Variants in DOCK6 observed in about 807,000 individuals in gnomAD.
DOCK6 encodes dedicator of cytokinesis 6, also known as dedicator of cytokinesis protein 6.
Under a neutral mutation model 230.3 loss-of-function variants are expected in DOCK6, and 167 were observed. The observed-to-expected ratio is 0.73, with a 90% confidence interval of 0.64 to 0.82. The LOEUF (loss-of-function observed/expected upper bound fraction) is 0.82. DOCK6 is among the 40% of genes least tolerant of loss of function. The pLI is 0.00. For synonymous variants in DOCK6, 1,148 were observed against 1,185.0 expected, an observed-to-expected ratio of 0.97 and a Z score of 0.64; for missense variants, 2,598 against 2,825.8, an observed-to-expected ratio of 0.92 and a Z score of 1.83.
chr19:11,238,747 A>G (rs551802720), intron 14 of DOCK6: 10 of 170,356 alleles, frequency 5.9e-5, no homozygotes, highest in Non-Finnish European at 1.2e-4. Context: ...AGGTGGGGAA[A>G]CTGAGGCCAG....
Position 11,214,547 on chromosome 19 carries a change from C to T in DOCK6, c.4203+6G>A, listed in dbSNP as rs769256139. The T allele has an allele frequency of 3.7e-6, 6 of 1,613,888 alleles. No individual in the cohort carries two copies. The highest frequency in any genetic ancestry group is 1.1e-5 in the South Asian group (1 of 91,074). On this transcript the variant is annotated splice_donor_region_variant and intron_variant, in intron 33 of 47. Coordinates refer to ENST00000294618, the MANE Select transcript of DOCK6 (RefSeq NM_020812.4). ...AGCACAAGGCAGATGCTGGATCAAG[C>T]CCTACCTGCACGATGATCTCCAGTG... is the stretch of plus-strand genomic sequence containing the variant.
chr19:11,212,009 C>CT lies in DOCK6; in HGVS notation c.4633dup (p.Ser1545LysfsTer32), dbSNP rs1157884121. 6.2e-7 allele frequency: 1 copy of CT among 1,606,096 alleles called. No homozygotes were observed. The highest frequency in any genetic ancestry group is 8.5e-7 in the Non-Finnish European group (1 of 1,176,638). On this transcript the variant is annotated frameshift_variant, in exon 36 of 48. Transcript: ENST00000294618. LOFTEE classifies it high-confidence loss of function. Reference sequence around the variant, plus strand: ...AGGTGTCACCTGCTCTGCGAAGGTGCTGTCCCGCAGCCCCATGTCCTCCTC... The same window carrying CT: ...AGGTGTCACCTGCTCTGCGAAGGTGCTTGTCCCGCAGCCCCATGTCCTCCTC...
In DOCK6 at chr19:11,215,379, A is replaced by G. The variant is rs745552095; in HGVS notation, c.4106+8T>C. 6.2e-7 allele frequency: 1 copy of G among 1,613,014 alleles called. No homozygotes were observed. The highest frequency in any genetic ancestry group is 8.5e-7 in the Non-Finnish European group (1 of 1,179,438). ...GAACTCAGCAGACACCCTCCTGCCC[A>G]CACCTACTTGTCCACGCGGTCTGAG... On this transcript the variant is annotated splice_region_variant and intron_variant, in intron 32 of 47. Coordinates refer to ENST00000294618, the MANE Select transcript of DOCK6 (RefSeq NM_020812.4).
intron 20 of DOCK6, 178 bp from the exon 21 acceptor site, chr19:11,235,937 G>A: frequency 2.5e-6 from 2 of 813,626 alleles, no homozygotes; most frequent in Non-Finnish European, 3.5e-6. Flanking sequence ...CTGGAGTCCA[G>A]TGGCATGATC....
chr19:11,227,612 G>A (rs1036633600), intron 23 of DOCK6, 135 bp from the exon 24 acceptor site: 26 of 1,116,086 alleles, frequency 2.3e-5, no homozygotes, highest in Non-Finnish European at 2.9e-5. Flanking sequence ...GCTGTGGGTG[G>A]AGGAGGCTTG....
In DOCK6 at chr19:11,236,408, T is replaced by G. The variant is rs1599256167; in HGVS notation, c.2330A>C (p.His777Pro). The change falls in exon 20 of 48, where the codon CAC (histidine) becomes CCC (proline). Residue 777 changes from histidine (H) to proline (P), a missense_variant. His to Pro is a moderately conservative substitution (Grantham distance 77, BLOSUM62 -2). Transcript: ENST00000294618. This position sits in a 1 kb window ranked among gnomAD's most constrained non-coding sequence, Gnocchi z 5.2. ...ASPEPLVAFS[H>P]HVLDKLVRLV... ...ACGCACGAGCTTGTCCAGCACGTGG[T>G]GGGAGAAGGCCACAAGGGGTTCGGG... 1.3e-5 allele frequency: 20 copies of G among 1,588,146 alleles called. No homozygotes were observed. The East Asian group carries it at 4.6e-4, about 37-fold the overall frequency.
chr19:11,254,644 T>G (rs1349818764), intron 1 of DOCK6, among the ~76,000 whole-genome samples: 1 of 149,102 alleles, frequency 6.7e-6, no homozygotes, highest in African/African-American at 2.5e-5. Context: ...ATCGCGCCAC[T>G]GCACCCCAAC....
rs535273217 is a variant in DOCK6 at position 11,228,926 on chromosome 19, G to C, written c.2814+14C>G. The C allele has an allele frequency of 6.2e-7, 1 of 1,613,370 alleles. No homozygotes were observed. The highest frequency in any genetic ancestry group is 8.5e-7 in the Non-Finnish European group (1 of 1,179,548). On this transcript the variant is annotated intron_variant, in intron 23 of 47. Coordinates refer to ENST00000294618, the MANE Select transcript of DOCK6 (RefSeq NM_020812.4). The stretch of plus-strand genomic sequence containing the variant: ...GGGGTCTCTTGCCACCAGGCAGGGA[G>C]GAGGGGGTCTCACCATGAGCTGGAA...
rs1017461894 is a variant in DOCK6, at chr19:11,253,745, G to T, written c.45-19C>A. 5.5e-6 allele frequency: 8 copies of T among 1,458,612 alleles called. No homozygotes were observed. Among genetic ancestry groups the T allele is most frequent in the Middle Eastern group, 3.5e-4 (2 of 5,718 alleles). 90.4% of individuals were successfully genotyped at this position (1,458,612 alleles called of 1,614,324 possible). A position where few individuals can be genotyped will look rare whatever the true frequency, so the allele number is the denominator to read the frequency against. On this transcript the variant is annotated intron_variant, in intron 1 of 47. Transcript: ENST00000294618. ...CACCGTCCTGGAAAGATAGGGAGGG[G>T]GCCATTGGGGACGGGAAAACTCAGG...
chr19:11,261,760 A>C (rs1599304573), intron 1 of DOCK6, among the ~76,000 whole-genome samples: 2 of 143,606 alleles, frequency 1.4e-5, no homozygotes, highest in East Asian at 2.1e-4. Context: ...CCATTCAATC[A>C]CCCATCCATC....
chr19:11,199,523 C>T lies in DOCK6; in HGVS notation c.6118G>A (p.Ala2040Thr). 6.3e-7 allele frequency: 1 copy of T among 1,583,184 alleles called. No homozygotes were observed. Among genetic ancestry groups the T allele is most frequent in the Non-Finnish European group, 8.6e-7 (1 of 1,164,588 alleles). The change falls in exon 48 of 48, where the codon GCA becomes ACA. Residue 2040 changes from alanine (A) to threonine (T), a missense_variant. Transcript: ENST00000294618. The part of the protein sequence containing the change: ...PPGLRNSLNR[A>T]SFRKADL ...CAGAGGTCTGCCTTTCGGAAACTTG[C>T]TCTGTTCAAGGAGTTCCTGGAAAAA...
In DOCK6 at chr19:11,222,948, G is replaced by A. The variant is rs2079604683; in HGVS notation, c.3070-43C>T. 40 of 1,613,052 alleles carry A rather than the reference G, an allele frequency of 2.5e-5. No homozygotes were observed. Among genetic ancestry groups the A allele is most frequent in the Admixed American group, 6.7e-5 (4 of 59,866 alleles). On this transcript the variant is annotated intron_variant, in intron 25 of 47. Transcript: ENST00000294618. This position sits in a 1 kb window ranked among gnomAD's most constrained non-coding sequence, Gnocchi z 4.0. The stretch of plus-strand genomic sequence containing the variant: ...CCATCAGTGATGTCAACATTGCTCC[G>A]CCTTCCATCCATGCCATGCCCACCC...
intron 23 of DOCK6, 51 bp downstream of exon 23, chr19:11,228,889 G>T (rs1456649819): frequency 1.1e-5 from 18 of 1,577,044 alleles, no homozygotes; most frequent in Non-Finnish European, 1.6e-5. Context: ...AAAAAAGGAA[G>T]GGGCTCCACT....
At chr19:11,256,509 T>A (rs759580648) in intron 1 of DOCK6, among the ~76,000 whole-genome samples, 94 of 152,180 alleles carry the variant, frequency 6.2e-4, no homozygotes, top group Non-Finnish European at 1.2e-3. Context: ...CATCAGTCTC[T>A]CAGCCTCAGG....
At position 11,212,019 on chromosome 19, in the gene DOCK6, G is replaced by A. The variant is rs2079395555; in HGVS notation, c.4624C>T (p.Leu1542=). The A allele has an allele frequency of 1.2e-6, 2 of 1,608,384 alleles. No homozygotes were observed. The highest frequency in any genetic ancestry group is 1.7e-6 in the Non-Finnish European group (2 of 1,177,810). The change falls in exon 36 of 48, where the codon CTG becomes TTG. Residue 1542 remains leucine, a synonymous_variant. Coordinates refer to ENST00000294618, the MANE Select transcript of DOCK6 (RefSeq NM_020812.4). ...TGCTCTGCGAAGGTGCTGTCCCGCA[G>A]CCCCATGTCCTCCTCAGCATAGGTG... ...ILTYAEEDMG[L]RDSTFAEQVQ...
At chr19:11,238,417 G>A (rs955605567) in intron 14 of DOCK6, 113 bp from the exon 15 acceptor site, 1 of 974,992 alleles carries the variant, frequency 1.0e-6, no homozygotes, top group Non-Finnish European at 1.5e-6. Context: ...AGGAAGAGTA[G>A]GTCATGAGGC....
At chr19:11,241,720 C>T (rs2147847082) in intron 14 of DOCK6, 1 of 1,573,168 alleles carries the variant, frequency 6.4e-7, no homozygotes, top group Non-Finnish European at 8.6e-7. Flanking sequence ...ACCAATCATG[C>T]TGCAAGGAAC....
chr19:11,211,405 T>A (rs556982848), intron 37 of DOCK6, among the ~76,000 whole-genome samples: 1 of 152,110 alleles, frequency 6.6e-6, no homozygotes, highest in South Asian at 2.1e-4. Context: ...CCCCCTCACC[T>A]GTCCTGGCTC....
chr19:11,251,257 T>C, intron 5 of DOCK6, 171 bp from the exon 6 acceptor site: 1 of 654,642 alleles, frequency 1.5e-6, no homozygotes, highest in Non-Finnish European at 2.6e-6. Context: ...TTCCAGAAAC[T>C]TCTGTCTGGA....
Sources: allele counts gnomAD v4.1 joint callset (sites outside exome capture counted in the v4.1 genomes callset), GRCh38; gene constraint gnomAD v4.1.1; non-coding constraint Gnocchi (gnomAD v3.1); transcripts MANE v1.5; gene names NCBI Gene and HGNC (gene_info 2026-07-23, HGNC 2026-07-21).